The following NXPH1 variants were observed in gnomAD, a reference collection of about 807,000 sequenced individuals.
The protein encoded by NXPH1 is neurexophilin 1.
A neutral mutation model predicts 23.7 loss-of-function variants in NXPH1; 5 were observed. The observed-to-expected ratio is 0.21, with a 90% CI of 0.11 to 0.44. NXPH1 has a LOEUF of 0.44. Among genes scored for constraint, NXPH1 ranks in the 20% least tolerant of loss-of-function variants. The pLI is 0.99. For synonymous variants in NXPH1, 144 were observed against 122.2 expected (o/e 1.18, Z -1.18); for missense variants, 324 against 321.6 (o/e 1.01, Z -0.06).
intron 2 of NXPH1, among the ~76,000 whole-genome samples, chr7:8,464,852 G>C (rs184752981): frequency 2.0e-5 from 3 of 152,296 alleles, no homozygotes; most frequent in East Asian, 3.9e-4. Context: ...CATTGGGATG[G>C]CATCCTTTAT....
intron 2 of NXPH1, among the ~76,000 whole-genome samples, chr7:8,479,068 G>A (rs184440033): frequency 1.3e-4 from 20 of 152,138 alleles, no homozygotes; most frequent in Admixed American, 1.3e-4. Flanking sequence ...AATACTGTTT[G>A]TTAACTGGTT....
At position 8,628,385 on chromosome 7, in the gene NXPH1, T is replaced by TTTTTTTTC. The variant is rs1265965735; in HGVS notation, c.55-122623_55-122622insTTTTTTTC. ...ATGCATAGGTGTTTTTTTTTTTTTT[T>TTTTTTTTC]AGATAATGTATGGTTAGAAGAGTCA... On this transcript the variant is annotated intron_variant, in intron 2 of 2. Coordinates refer to ENST00000405863, the MANE Select transcript of NXPH1 (RefSeq NM_152745.3). Among the ~76,000 whole-genome samples, 529 of 148,010 alleles carry TTTTTTTTC rather than the reference T, an allele frequency of 3.6e-3. 5 individuals are homozygous for TTTTTTTTC. The highest frequency in any genetic ancestry group is 0.011 in the African/African-American group (441 of 40,344).
intron 2 of NXPH1, among the ~76,000 whole-genome samples, chr7:8,607,923 A>G (rs960158081): frequency 2.6e-5 from 4 of 152,228 alleles, no homozygotes; most frequent in African/African-American, 9.6e-5. Flanking sequence ...AGACACACAC[A>G]TACCTAGGGA....
At chr7:8,622,591 A>C (rs1343315202) in intron 2 of NXPH1, among the ~76,000 whole-genome samples, 1 of 152,234 alleles carries the variant, frequency 6.6e-6, no homozygotes, top group South Asian at 2.1e-4. Context: ...ACGAGGGATA[A>C]TTTGACAAAG....
chr7:8,734,397 C>G (rs954604295), intron 2 of NXPH1, among the ~76,000 whole-genome samples: 1 of 152,046 alleles, frequency 6.6e-6, no homozygotes. Flanking sequence ...GTAGTTTTTT[C>G]TAATTCTGCA....
chr7:8,454,427 T>A (rs114401565), intron 2 of NXPH1, among the ~76,000 whole-genome samples: 1 of 152,152 alleles, frequency 6.6e-6, no homozygotes, highest in African/African-American at 2.4e-5. Flanking sequence ...AAAGCATTTA[T>A]CCTCTGCTTT....
At chr7:8,686,781 T>C (rs1225116827) in intron 2 of NXPH1, among the ~76,000 whole-genome samples, 2 of 152,090 alleles carry the variant, frequency 1.3e-5, no homozygotes, top group African/African-American at 4.8e-5. Context: ...GGAATCTAGG[T>C]TCCTTCAAAC....
At chr7:8,644,392 G>A (rs935080741) in intron 2 of NXPH1, among the ~76,000 whole-genome samples, 14 of 152,112 alleles carry the variant, frequency 9.2e-5, no homozygotes, top group Non-Finnish European at 4.4e-5. Flanking sequence ...GGGAAGAAAG[G>A]TTCTCACCTT....
intron 2 of NXPH1, among the ~76,000 whole-genome samples, chr7:8,503,948 G>T (rs999908815): frequency 2.6e-5 from 4 of 151,924 alleles, no homozygotes; most frequent in African/African-American, 9.7e-5. Flanking sequence ...TCTACATTGT[G>T]GTCCTAAGTA....
At position 8,486,061 on chromosome 7, in the gene NXPH1, G is replaced by A. The variant is rs146371994; in HGVS notation, c.54+50294G>A. On this transcript the variant is annotated intron_variant, in intron 2 of 2. Coordinates refer to ENST00000405863, the MANE Select transcript of NXPH1 (RefSeq NM_152745.3). ...CTTGGGATTTTAAAACATATGATGG[G>A]ATTTGAGGTACCCCATAAATGCCAT... Among the ~76,000 whole-genome samples the A allele has an allele frequency of 8.1e-3, 1,227 of 152,196 alleles. 15 individuals are homozygous for A. Among genetic ancestry groups the A allele is most frequent in the African/African-American group, 0.028 (1,170 of 41,526 alleles).
At chr7:8,653,843 T>G (rs186416182) in intron 2 of NXPH1, among the ~76,000 whole-genome samples, 24 of 152,340 alleles carry the variant, frequency 1.6e-4, no homozygotes, top group Non-Finnish European at 2.8e-4. Context: ...TTTCTTGTTT[T>G]CATTTCTTAC....
chr7:8,748,089 T>G (rs1221835598), intron 2 of NXPH1, among the ~76,000 whole-genome samples: 1 of 152,230 alleles, frequency 6.6e-6, no homozygotes, highest in Non-Finnish European at 1.5e-5. Flanking sequence ...TATATTCCTA[T>G]GCATAATCCT....
At chr7:8,598,298 T>A (rs1819274115) in intron 2 of NXPH1, among the ~76,000 whole-genome samples, 1 of 152,122 alleles carries the variant, frequency 6.6e-6, no homozygotes, top group Non-Finnish European at 1.5e-5. Context: ...TAGGCCTGCA[T>A]GGCTCTCCTT....
At chr7:8,576,411 T>C (rs1818756880) in intron 2 of NXPH1, among the ~76,000 whole-genome samples, 1 of 152,160 alleles carries the variant, frequency 6.6e-6, no homozygotes, top group South Asian at 2.1e-4. Context: ...AGGACAGACA[T>C]GGTGCTATCA....
intron 2 of NXPH1, among the ~76,000 whole-genome samples, chr7:8,570,852 TA>T (rs780863147): frequency 2.9e-4 from 44 of 151,720 alleles, no homozygotes; most frequent in Non-Finnish European, 5.2e-4. Context: ...GATAATTTGG[TA>T]GGCAAAAGAG....
At chr7:8,633,325 G>A (rs569780500) in intron 2 of NXPH1, among the ~76,000 whole-genome samples, 4 of 152,318 alleles carry the variant, frequency 2.6e-5, no homozygotes, top group Non-Finnish European at 5.9e-5. Context: ...CTACTCAGGA[G>A]GCTGAGGCAG....
At chr7:8,679,421 C>G (rs935880719) in intron 2 of NXPH1, among the ~76,000 whole-genome samples, 1 of 151,982 alleles carries the variant, frequency 6.6e-6, no homozygotes, top group Non-Finnish European at 1.5e-5. Context: ...TCCCGTTTAT[C>G]TGTGTATCTC....
chr7:8,505,453 T>C (rs1407367826), intron 2 of NXPH1, among the ~76,000 whole-genome samples: 2 of 152,004 alleles, frequency 1.3e-5, no homozygotes, highest in East Asian at 3.9e-4. Flanking sequence ...AGAATACCTA[T>C]GCCTAGAAAT....
intron 2 of NXPH1, among the ~76,000 whole-genome samples, chr7:8,708,364 A>G (rs1014321163): frequency 2.6e-5 from 4 of 151,606 alleles, no homozygotes; most frequent in Admixed American, 2.6e-4. Flanking sequence ...ATTTTTTTAA[A>G]TTTTTTTGGT....
Sources: allele counts gnomAD v4.1 joint callset (sites outside exome capture counted in the v4.1 genomes callset), GRCh38; gene constraint gnomAD v4.1.1; transcripts MANE v1.5; gene names NCBI Gene and HGNC (gene_info 2026-07-23, HGNC 2026-07-21).